DOCK8: variants seen among roughly 807,000 people sequenced by gnomAD.
DOCK8 encodes dedicator of cytokinesis 8.
DOCK8 carries 141 observed loss-of-function variants against 245.6 expected under a neutral mutation model. The ratio of observed to expected loss-of-function variants is 0.57; its 90% confidence interval spans 0.50 to 0.66. The LOEUF is 0.66. DOCK8 is among the 30% of genes least tolerant of loss of function. The pLI, the probability that DOCK8 is intolerant of heterozygous loss-of-function variation, is 0.00. For synonymous variants in DOCK8, 1,168 were observed against 970.2 expected (o/e 1.20, Z -3.79); for missense variants, 2,965 against 2,603.4 (o/e 1.14, Z -3.02).
chr9:394,218 G>T (rs376217529), intron 24 of DOCK8, among the ~76,000 whole-genome samples: 1 of 150,652 alleles, frequency 6.6e-6, no homozygotes, highest in Non-Finnish European at 1.5e-5. Flanking sequence ...GTGGTCCCTC[G>T]AGACCCCCTT....
intron 1 of DOCK8, among the ~76,000 whole-genome samples, chr9:226,330 C>T (rs2046989647): frequency 6.6e-6 from 1 of 152,096 alleles, no homozygotes; most frequent in Non-Finnish European, 1.5e-5. Flanking sequence ...TCTCGCACAA[C>T]ATGTGGGGAT....
At chr9:452,327 T>C (rs924923956) in intron 46 of DOCK8, among the ~76,000 whole-genome samples, 1 of 152,146 alleles carries the variant, frequency 6.6e-6, no homozygotes, top group Non-Finnish European at 1.5e-5. Flanking sequence ...CACTGAAGTT[T>C]GAGGACCACT....
chr9:406,525 A>G (rs534353846), intron 27 of DOCK8, among the ~76,000 whole-genome samples: 24 of 151,020 alleles, frequency 1.6e-4, no homozygotes, highest in African/African-American at 5.8e-4. Context: ...GTACCTGAGT[A>G]AGCAGGGCCT....
chr9:328,230 G>A, intron 9 of DOCK8, 59 bp downstream of exon 9: 1 of 1,564,256 alleles, frequency 6.4e-7, no homozygotes, highest in Non-Finnish European at 8.7e-7. Context: ...GTTGTTCCCA[G>A]CACATGTTTG....
intron 2 of DOCK8, among the ~76,000 whole-genome samples, chr9:273,525 AAC>A (rs1426533010): frequency 6.6e-6 from 1 of 152,234 alleles, no homozygotes; most frequent in African/African-American, 2.4e-5. Context: ...TTAAATTTTA[AAC>A]AAGGTAGAGG....
In DOCK8 at chr9:465,250, G is replaced by A. The variant is rs149002313; in HGVS notation, c.*1031G>A. 5 of 152,746 alleles carry A rather than the reference G, an allele frequency of 3.3e-5. No individual in the cohort carries two copies. The East Asian group carries it at 5.8e-4, about 18-fold the overall frequency. 9.5% of individuals were successfully genotyped at this position (152,746 alleles called of 1,614,324 possible). A position where few individuals can be genotyped will look rare whatever the true frequency, so the allele number is the denominator to read the frequency against. ...AATAAAGATGTAATAAGAATTGCAA[G>A]CTAAATGTTTCCCTTTGCAACTCAT... is the stretch of plus-strand genomic sequence containing the variant. On this transcript the variant is annotated 3_prime_UTR_variant, in exon 48 of 48. Coordinates refer to ENST00000432829, the MANE Select transcript of DOCK8 (RefSeq NM_203447.4).
At chr9:214,569 T>C, upstream of DOCK8, 1 of 1,614,056 alleles carries the variant, frequency 6.2e-7, no homozygotes, top group South Asian at 1.1e-5. Context: ...CCGACTTGCC[T>C]ACATTCCCTG....
At chr9:376,931 C>A in intron 19 of DOCK8, 46 bp from the exon 20 acceptor site, 1 of 1,538,368 alleles carries the variant, frequency 6.5e-7, no homozygotes, top group Non-Finnish European at 8.9e-7. Context: ...CACTGGTGAA[C>A]ATTGATGGTA....
At chr9:436,149 C>G (rs578188901) in intron 39 of DOCK8, among the ~76,000 whole-genome samples, 1 of 152,202 alleles carries the variant, frequency 6.6e-6, no homozygotes, top group East Asian at 1.9e-4. Context: ...CAGAACACAG[C>G]AAAGCTGGGT....
chr9:300,211 C>CT (rs1190817594), intron 4 of DOCK8, among the ~76,000 whole-genome samples: 3 of 152,178 alleles, frequency 2.0e-5, no homozygotes, highest in African/African-American at 7.2e-5. Context: ...ACATCTTATT[C>CT]TTTAATTAAT....
intron 1 of DOCK8, among the ~76,000 whole-genome samples, chr9:219,067 C>T (rs2046827120): frequency 6.6e-6 from 1 of 152,174 alleles, no homozygotes; most frequent in South Asian, 2.1e-4. Flanking sequence ...ACCATGCTGC[C>T]ATCTCAGTTT....
At chr9:368,170 G>A (rs1238985720) in intron 15 of DOCK8, 35 bp downstream of exon 15, 2 of 1,566,390 alleles carry the variant, frequency 1.3e-6, no homozygotes, top group Non-Finnish European at 8.8e-7. Context: ...CTCAAATCAG[G>A]GTGGGCTGCT....
intron 1 of DOCK8, among the ~76,000 whole-genome samples, chr9:235,662 C>T (rs1021917798): frequency 1.3e-5 from 2 of 152,148 alleles, no homozygotes; most frequent in Non-Finnish European, 2.9e-5. Context: ...ACTGCTGTGC[C>T]AGCAATGAGC....
At chr9:255,941 C>T (rs1164635677) in intron 1 of DOCK8, among the ~76,000 whole-genome samples, 1 of 152,070 alleles carries the variant, frequency 6.6e-6, no homozygotes, top group Non-Finnish European at 1.5e-5. Flanking sequence ...TCAGGCCATA[C>T]GATTTCACCA....
chr9:413,749 A>C (rs2131595400), intron 28 of DOCK8, among the ~76,000 whole-genome samples: 1 of 152,364 alleles, frequency 6.6e-6, no homozygotes, highest in Admixed American at 6.5e-5. Context: ...GACAGGTAAT[A>C]AAGTGTTGGC....
At chr9:415,567 A>T (rs1255329377) in intron 29 of DOCK8, among the ~76,000 whole-genome samples, 1 of 152,184 alleles carries the variant, frequency 6.6e-6, no homozygotes, top group Non-Finnish European at 1.5e-5. Context: ...TACATTGTGG[A>T]TTAAGGAATG....
intron 36 of DOCK8, among the ~76,000 whole-genome samples, chr9:430,323 G>A (rs776308634): frequency 1.3e-5 from 2 of 151,986 alleles, no homozygotes; most frequent in Admixed American, 6.6e-5. Flanking sequence ...GCAGTGAGCC[G>A]AGATTGCCCC....
Position 446,463 on chromosome 9 carries a change from A to C in DOCK8, c.5674A>C (p.Arg1892=). The part of the protein sequence containing the change: ...TYFEKNFNLR[R]FMYTTPFTLE... ...CTTTGAGAAGAATTTCAACCTCCGGAGGTTCATGTACACCACCCCGTTCAC... is the reference window on the plus strand; with the variant it reads ...CTTTGAGAAGAATTTCAACCTCCGGCGGTTCATGTACACCACCCCGTTCAC... Residue 1892 remains arginine (R), a synonymous_variant, in exon 44 of 48, where the codon AGG becomes CGG. Transcript: ENST00000432829. 1 of 1,614,236 alleles carries C rather than the reference A, an allele frequency of 6.2e-7. No homozygotes were observed.
At chr9:292,773 T>A (rs1261639691) in intron 4 of DOCK8, among the ~76,000 whole-genome samples, 1 of 152,188 alleles carries the variant, frequency 6.6e-6, no homozygotes, top group Non-Finnish European at 1.5e-5. Context: ...TGTCATTAAA[T>A]CTATATTAAT....
Sources: allele counts gnomAD v4.1 joint callset (sites outside exome capture counted in the v4.1 genomes callset), GRCh38; gene constraint gnomAD v4.1.1; transcripts MANE v1.5; gene names NCBI Gene and HGNC (gene_info 2026-07-23, HGNC 2026-07-21).